Variants in XPO1 observed in about 807,000 individuals in gnomAD.
XPO1 encodes exportin-1.
XPO1 carries 5 observed loss-of-function variants against 133.3 expected under a neutral mutation model. That is an observed-to-expected ratio of 0.04 (90% CI 0.02 to 0.08). The LOEUF is 0.08. Ranked by LOEUF, XPO1 falls within the 10% of genes least tolerant of loss-of-function variation. XPO1 has a pLI of 1.00. For missense variants in XPO1, 506 were observed against 1,267.5 expected (o/e 0.40, Z 9.12); for synonymous variants, 419 against 408.2 (o/e 1.03, Z -0.32).
chr2:61,491,735 G>C (rs546653413), intron 16 of XPO1, among the ~76,000 whole-genome samples: 20 of 151,976 alleles, frequency 1.3e-4, no homozygotes, highest in Non-Finnish European at 2.8e-4. Context: ...CTCTACCAAG[G>C]GGGGGAAAAA....
At position 61,527,414 on chromosome 2, in the gene XPO1, G is replaced by T. The variant is rs189537541; in HGVS notation, c.127-893C>A. 2.7e-4 allele frequency among the ~76,000 whole-genome samples: 41 copies of T among 151,740 alleles called. No individual in the cohort carries two copies. The Middle Eastern group carries it at 0.01, about 38-fold the overall frequency. On this transcript the variant is annotated intron_variant, in intron 2 of 24. Coordinates refer to ENST00000401558, the MANE Select transcript of XPO1 (RefSeq NM_003400.4). ...GAGATGGGAGGATCACTTGAGCCCT[G>T]GAAATCAAGGTTGCACCGAGCTATG...
intron 4 of XPO1, among the ~76,000 whole-genome samples, chr2:61,506,534 G>C: frequency 6.9e-6 from 1 of 145,398 alleles, no homozygotes; most frequent in Non-Finnish European, 1.5e-5. Flanking sequence ...AGGAGCCAGA[G>C]GTTGCTCTGA....
chr2:61,494,764 G>A (rs1268739882), intron 11 of XPO1: 1 of 147,486 alleles, frequency 6.8e-6, no homozygotes, highest in Non-Finnish European at 1.5e-5. Context: ...TGAATTGTGT[G>A]TGTGTGTGTA....
chr2:61,498,996 T>C lies in XPO1; in HGVS notation c.591-83A>G, dbSNP rs1697374329. On this transcript the variant is annotated intron_variant, in intron 7 of 24. Coordinates refer to ENST00000401558, the MANE Select transcript of XPO1 (RefSeq NM_003400.4). The stretch of plus-strand genomic sequence containing the variant: ...TTATCTATAATACTAATAAAAATGA[T>C]TAAAGCCCAGTACAGTGGCTCATGC... The C allele has an allele frequency of 2.1e-6, 3 of 1,437,236 alleles. No homozygotes were observed. In the Admixed American group the frequency reaches 7.8e-5, roughly 37 times the overall value. The allele number at this position is 1,437,236 out of a possible 1,614,324, so 89.0% of individuals were successfully genotyped here.
At position 61,505,257 on chromosome 2, in the gene XPO1, T is replaced by C. The variant is rs148755859; in HGVS notation, c.302-2947A>G. Among the ~76,000 whole-genome samples the C allele has an allele frequency of 7.4e-4, 113 of 152,342 alleles. 1 individual carries two copies. Among genetic ancestry groups the C allele is most frequent in the African/African-American group, 2.5e-3 (106 of 41,582 alleles). On this transcript the variant is annotated intron_variant, in intron 4 of 24. Coordinates refer to ENST00000401558, the MANE Select transcript of XPO1 (RefSeq NM_003400.4). ...ATCCTCCTGCCTTGGCCACATTTTATGTTGGGATTACAGGCCTGACCCACC... is the reference window on the plus strand; with the variant it reads ...ATCCTCCTGCCTTGGCCACATTTTACGTTGGGATTACAGGCCTGACCCACC...
chr2:61,505,014 T>C lies in XPO1; in HGVS notation c.302-2704A>G, dbSNP rs577461316. The stretch of plus-strand genomic sequence containing the variant: ...AATAGGGAAATGGAAAATATATTTT[T>C]TACATTTTGTTTTAGAGGCAGGGTC... On this transcript the variant is annotated intron_variant, in intron 4 of 24. Coordinates refer to ENST00000401558, the MANE Select transcript of XPO1 (RefSeq NM_003400.4). Among the ~76,000 whole-genome samples the C allele has an allele frequency of 4.6e-5, 7 of 152,336 alleles. No individual in the cohort carries two copies. In the South Asian group the frequency reaches 1.2e-3, roughly 27 times the overall value.
chr2:61,493,713 A>C (rs1003741910), intron 12 of XPO1, 181 bp downstream of exon 12: 85 of 655,120 alleles, frequency 1.3e-4, no homozygotes, highest in Middle Eastern at 7.1e-4. Context: ...GAAGGACCAC[A>C]CTCTTGAGAA....
intron 4 of XPO1, among the ~76,000 whole-genome samples, chr2:61,520,081 G>A (rs13388221): frequency 0.18 from 27,380 of 151,952 alleles, 2,980 homozygotes; most frequent in African/African-American, 0.29. Context: ...GTAGTAATCG[G>A]TACAAAGGAA....
intron 1 of XPO1, among the ~76,000 whole-genome samples, chr2:61,535,350 G>A: frequency 6.6e-6 from 1 of 152,184 alleles, no homozygotes; most frequent in East Asian, 1.9e-4. Flanking sequence ...AGGACATCCT[G>A]AAAGCCATCC....
chr2:61,510,425 G>C (rs1698032757), intron 4 of XPO1, among the ~76,000 whole-genome samples: 1 of 152,136 alleles, frequency 6.6e-6, no homozygotes, highest in Admixed American at 6.6e-5. Context: ...ATGCCACATG[G>C]AAGACAAACA....
At chr2:61,535,705 T>C (rs776849260) in intron 1 of XPO1, among the ~76,000 whole-genome samples, 3 of 152,186 alleles carry the variant, frequency 2.0e-5, no homozygotes, top group Non-Finnish European at 2.9e-5. Flanking sequence ...CAAGAATTGG[T>C]CCATTATTGA....
chr2:61,485,704 T>C (rs1696659665), intron 20 of XPO1, 64 bp downstream of exon 20: 1 of 1,341,792 alleles, frequency 7.5e-7, no homozygotes, highest in South Asian at 1.4e-5. Flanking sequence ...AGACATACTT[T>C]AGCTTTCAAG....
chr2:61,484,334 CT>C (rs1696563418), intron 20 of XPO1: 1 of 459,864 alleles, frequency 2.2e-6, no homozygotes, highest in Non-Finnish European at 3.9e-6. Context: ...GAAAGACAAC[CT>C]TTTTAATAGA....
At chr2:61,502,403 G>A (rs1697571970) in intron 4 of XPO1, 93 bp from the exon 5 acceptor site, 5 of 1,229,648 alleles carry the variant, frequency 4.1e-6, no homozygotes, top group Non-Finnish European at 5.8e-6. Context: ...GGAATGGAAA[G>A]ACTAAGTAAA....
At position 61,491,496 on chromosome 2, in the gene XPO1, A is replaced by ACACACACACACC. The variant is rs1491477036; in HGVS notation, c.1887+538_1887+539insGGTGTGTGTGTG. ...CACACACACACACACACACACACACACCCCAAAACAAAACAAAACAAAAAA... is the reference window on the plus strand; with the variant it reads ...CACACACACACACACACACACACACACACACACACACCCCCCAAAACAAAACAAAACAAAAAA... On this transcript the variant is annotated intron_variant, in intron 16 of 24. Coordinates refer to ENST00000401558, the MANE Select transcript of XPO1 (RefSeq NM_003400.4). 1.1e-3 allele frequency among the ~76,000 whole-genome samples: 156 copies of ACACACACACACC among 147,350 alleles called. 1 individual carries two copies. Among genetic ancestry groups the ACACACACACACC allele is most frequent in the African/African-American group, 3.2e-3 (126 of 39,148 alleles).
At chr2:61,499,001 G>A (rs1004586869) in intron 7 of XPO1, 88 bp from the exon 8 acceptor site, 1 of 1,399,030 alleles carries the variant, frequency 7.1e-7, no homozygotes. Context: ...AATGATTAAA[G>A]CCCAGTACAG....
At chr2:61,481,333 A>C in intron 23 of XPO1, 52 bp from the exon 24 acceptor site, 1 of 1,422,382 alleles carries the variant, frequency 7.0e-7, no homozygotes. Context: ...CCCCCGAGAC[A>C]GAGTATTGCT....
intron 10 of XPO1, among the ~76,000 whole-genome samples, chr2:61,496,149 A>G (rs1697231092): frequency 6.6e-6 from 1 of 152,184 alleles, no homozygotes; most frequent in Admixed American, 6.6e-5. Flanking sequence ...TCTCACTGAC[A>G]TTGAAAAATG....
At chr2:61,506,669 AGAGT>A (rs1224770065) in intron 4 of XPO1, among the ~76,000 whole-genome samples, 5 of 151,316 alleles carry the variant, frequency 3.3e-5, no homozygotes, top group Non-Finnish European at 7.4e-5. Context: ...CCTGGGCGAC[AGAGT>A]GAGACTCCAC....
Sources: allele counts gnomAD v4.1 joint callset (sites outside exome capture counted in the v4.1 genomes callset), GRCh38; gene constraint gnomAD v4.1.1; transcripts MANE v1.5; gene names NCBI Gene and HGNC (gene_info 2026-07-23, HGNC 2026-07-21).